Variants in WDPCP observed in about 807,000 individuals in gnomAD.
WDPCP encodes the protein WD repeat-containing and planar cell polarity effector protein fritz homolog.
In WDPCP, 71 loss-of-function variants were observed where a neutral mutation model predicts 93.1. The ratio of observed to expected loss-of-function variants is 0.76; its 90% CI spans 0.63 to 0.93. The LOEUF is 0.93. WDPCP is among the 40% of genes least tolerant of loss of function. WDPCP has a pLI of 0.00. For synonymous variants in WDPCP, 315 were observed against 315.0 expected (o/e 1.00, Z 0.00); for missense variants, 844 against 887.4 (o/e 0.95, Z 0.62).
intron 13 of WDPCP, among the ~76,000 whole-genome samples, chr2:63,274,058 G>A (rs539460414): frequency 1.1e-4 from 16 of 152,106 alleles, no homozygotes; most frequent in South Asian, 2.1e-4. Context: ...TACTCTTCTC[G>A]TCAGCACGTG....
At chr2:63,340,640 G>A (rs1011332014) in intron 12 of WDPCP, among the ~76,000 whole-genome samples, 2 of 152,064 alleles carry the variant, frequency 1.3e-5, no homozygotes, top group African/African-American at 4.8e-5. Context: ...CCATTCACTT[G>A]TTGCCAGGCA....
intron 10 of WDPCP, among the ~76,000 whole-genome samples, chr2:63,398,804 A>G (rs1365949287): frequency 1.3e-5 from 2 of 152,198 alleles, no homozygotes; most frequent in Non-Finnish European, 2.9e-5. Context: ...CCTAGTGGGA[A>G]AACTGCACAT....
intron 2 of WDPCP, among the ~76,000 whole-genome samples, chr2:63,802,281 T>TAAAAAAAAAAAAAAAAA (rs58717654): frequency 3.7e-5 from 2 of 54,390 alleles, no homozygotes; most frequent in Non-Finnish European, 6.9e-5. Flanking sequence ...CCCTCTCTCT[T>TAAAAAAAAAAAAAAAAA]AAAAAAAAAA....
chr2:63,790,328 G>A (rs1289792336), intron 2 of WDPCP, among the ~76,000 whole-genome samples: 1 of 152,194 alleles, frequency 6.6e-6, no homozygotes, highest in African/African-American at 2.4e-5. Context: ...CTCAGAGTGG[G>A]GTGCCCCAAA....
intron 1 of WDPCP, among the ~76,000 whole-genome samples, chr2:63,565,265 GTTAT>G (rs1706954475): frequency 1.3e-5 from 2 of 152,194 alleles, no homozygotes; most frequent in African/African-American, 4.8e-5. Flanking sequence ...AAAGTAATGC[GTTAT>G]TTTTTATAAA....
At position 63,704,882 on chromosome 2, in the gene WDPCP, C is replaced by T. The variant is rs1205301088; in HGVS notation, n.309-54044G>A. 1.5e-4 allele frequency among the ~76,000 whole-genome samples: 23 copies of T among 152,272 alleles called. No individual in the cohort carries two copies. In the East Asian group the frequency reaches 4.2e-3, roughly 28 times the overall value. On this transcript the variant is annotated intron_variant and non_coding_transcript_variant, in intron 2 of 4. Coordinates refer to the WDPCP transcript ENST00000467687. The stretch of plus-strand genomic sequence containing the variant: ...AGTTTCAGAAGGAATGGTACCAGCT[C>T]CTCCTTGTACCTCTGGTAGAATTCG...
intron 2 of WDPCP, among the ~76,000 whole-genome samples, chr2:63,791,268 G>A (rs917393893): frequency 2.0e-5 from 3 of 152,174 alleles, no homozygotes; most frequent in Admixed American, 1.3e-4. Flanking sequence ...TAGACTTGGT[G>A]TCTGACAAGC....
chr2:63,443,244 G>A (rs532431177), intron 6 of WDPCP: 1 of 151,988 alleles, frequency 6.6e-6, no homozygotes, highest in Non-Finnish European at 1.5e-5. Flanking sequence ...ATTCAAGTGT[G>A]GACACAGATA....
intron 10 of WDPCP, among the ~76,000 whole-genome samples, chr2:63,403,310 A>G (rs1371610929): frequency 2.6e-5 from 4 of 152,252 alleles, no homozygotes; most frequent in South Asian, 2.1e-4. Flanking sequence ...AGCAGAAAAG[A>G]TAACTATTGG....
At chr2:63,147,364 A>G (rs1252056495) in intron 17 of WDPCP, among the ~76,000 whole-genome samples, 1 of 152,196 alleles carries the variant, frequency 6.6e-6, no homozygotes, top group Admixed American at 6.5e-5. Context: ...TCCAATGGTT[A>G]TAGGGCTAGT....
chr2:63,294,816 T>G (rs1316227697), intron 13 of WDPCP, among the ~76,000 whole-genome samples: 1 of 152,148 alleles, frequency 6.6e-6, no homozygotes, highest in Non-Finnish European at 1.5e-5. Flanking sequence ...AATTCCACCT[T>G]TTGCTCTCTA....
At chr2:63,638,684 G>T (rs1328263479) in intron 3 of WDPCP, among the ~76,000 whole-genome samples, 2 of 151,946 alleles carry the variant, frequency 1.3e-5, no homozygotes, top group Non-Finnish European at 2.9e-5. Context: ...AGCTAATCAG[G>T]AGGCTGAGGT....
chr2:63,742,220 GGAAA>G (rs1558899700), intron 2 of WDPCP, among the ~76,000 whole-genome samples: 1 of 151,490 alleles, frequency 6.6e-6, no homozygotes, highest in African/African-American at 2.4e-5. Flanking sequence ...AAGATAAAAT[GGAAA>G]GAAAGAAACA....
At chr2:63,699,813 T>C (rs1359606599) in intron 2 of WDPCP, among the ~76,000 whole-genome samples, 1 of 152,090 alleles carries the variant, frequency 6.6e-6, no homozygotes, top group Admixed American at 6.5e-5. Context: ...AAAGGTCTTT[T>C]AAAAAAATGT....
intron 17 of WDPCP, among the ~76,000 whole-genome samples, chr2:63,140,923 C>A (rs1225616426): frequency 1.3e-5 from 2 of 152,126 alleles, no homozygotes; most frequent in African/African-American, 4.8e-5. Flanking sequence ...AACTTTTCCC[C>A]ATTCAGTATC....
At chr2:63,416,986 G>A (rs1227659961) in intron 9 of WDPCP, among the ~76,000 whole-genome samples, 1 of 152,150 alleles carries the variant, frequency 6.6e-6, no homozygotes, top group African/African-American at 2.4e-5. Context: ...GGGATCTTGA[G>A]CAAGATCATC....
At chr2:63,308,661 C>T (rs1308517588) in intron 13 of WDPCP, among the ~76,000 whole-genome samples, 1 of 152,046 alleles carries the variant, frequency 6.6e-6, no homozygotes, top group South Asian at 2.1e-4. Context: ...CCAAATAGCA[C>T]ATGTTCTCAC....
At chr2:63,809,304 C>G (rs552236077) in intron 2 of WDPCP, among the ~76,000 whole-genome samples, 6 of 150,986 alleles carry the variant, frequency 4.0e-5, no homozygotes, top group African/African-American at 1.5e-4. Flanking sequence ...TTCAGCCCCC[C>G]GCCCAGCCAG....
chr2:63,549,247 C>CAAAAAAA (rs60864094), intron 1 of WDPCP, among the ~76,000 whole-genome samples: 64 of 87,570 alleles, frequency 7.3e-4, no homozygotes, highest in Non-Finnish European at 9.3e-4. Context: ...GAGACTGTCT[C>CAAAAAAA]AAAAAAAAAA....
Sources: allele counts gnomAD v4.1 joint callset (sites outside exome capture counted in the v4.1 genomes callset), GRCh38; gene constraint gnomAD v4.1.1; transcripts MANE v1.5; gene names NCBI Gene and HGNC (gene_info 2026-07-23, HGNC 2026-07-21).